SLC27A1: variants seen among roughly 807,000 people sequenced by gnomAD.
SLC27A1 encodes the protein long-chain fatty acid transport protein 1.
In SLC27A1, 61 loss-of-function variants were observed where a neutral mutation model predicts 62.2. The observed-to-expected ratio is 0.98, with a 90% CI of 0.80 to 1.21. The LOEUF (loss-of-function observed/expected upper bound fraction) is 1.21. Ranked by LOEUF, SLC27A1 falls within the 50% of genes most tolerant of loss-of-function variation. The pLI, the probability that SLC27A1 is intolerant of heterozygous loss-of-function variation, is 0.00. For missense variants in SLC27A1, 903 were observed against 932.1 expected, an observed-to-expected ratio of 0.97 and a Z score of 0.41; for synonymous variants, 435 against 408.6, an observed-to-expected ratio of 1.06 and a Z score of -0.78.
intron 6 of SLC27A1, among the ~76,000 whole-genome samples, chr19:17,493,228 G>A (rs2075313029): frequency 1.3e-5 from 2 of 151,760 alleles, no homozygotes; most frequent in African/African-American, 2.4e-5. Flanking sequence ...CAGGTCAGGA[G>A]TTCAAGACCA....
upstream of SLC27A1, chr19:17,470,422 C>CG (rs941374883): frequency 4.1e-6 from 5 of 1,210,784 alleles, no homozygotes; most frequent in African/African-American, 8.3e-5. Flanking sequence ...TCGCGGGGGG[C>CG]GCAGAGCCGA....
rs1484686570 is a variant in SLC27A1, at chr19:17,501,412, C to T, written c.1776C>T (p.Asp592=). 1 of 1,613,032 alleles carries T rather than the reference C, an allele frequency of 6.2e-7. No homozygotes were observed. The highest frequency in any genetic ancestry group is 1.1e-5 in the South Asian group (1 of 91,030). ...PIFLRLLPQV[D]TTGTFKIQKT... ...TCCTGCGCCTCCTGCCCCAGGTGGA[C>T]ACCACAGGTGCGAGTCTCCCCCACT... The change falls in exon 11 of 12, where the codon GAC becomes GAT. Residue 592 remains aspartate (D), a synonymous_variant. Transcript: ENST00000252595.
At chr19:17,478,409 G>C (rs538916251) in intron 1 of SLC27A1, among the ~76,000 whole-genome samples, 3 of 146,330 alleles carry the variant, frequency 2.1e-5, no homozygotes, top group African/African-American at 7.6e-5. Flanking sequence ...GGAGTCTGCA[G>C]TGAGCCAAGA....
chr19:17,470,888 T>C (rs2075069848), intron 1 of SLC27A1, among the ~76,000 whole-genome samples, 181 bp downstream of exon 1: 1 of 134,234 alleles, frequency 7.4e-6, no homozygotes. Flanking sequence ...GGTGACCAGT[T>C]GGGGGTCTCT....
At chr19:17,491,060 G>T (rs988027639) in intron 6 of SLC27A1, 1 of 149,880 alleles carries the variant, frequency 6.7e-6, no homozygotes, top group African/African-American at 2.5e-5. Flanking sequence ...ATTTGGCCGG[G>T]CATGATGATA....
chr19:17,498,544 G>A (rs1234460270), intron 7 of SLC27A1: 3 of 161,170 alleles, frequency 1.9e-5, no homozygotes, highest in Admixed American at 6.5e-5. Context: ...GGTGGCTCAC[G>A]CCTGTAGGGT....
At chr19:17,485,751 AC>A (rs889912002) in intron 1 of SLC27A1, among the ~76,000 whole-genome samples, 2 of 151,178 alleles carry the variant, frequency 1.3e-5, no homozygotes, top group African/African-American at 4.9e-5. Flanking sequence ...AATTGCTTAA[AC>A]CCAGGAGGCG....
rs574208302 is a variant in SLC27A1, at chr19:17,482,630, G to A, written c.168-3933G>A. On this transcript the variant is annotated intron_variant, in intron 1 of 11. Coordinates refer to ENST00000252595, the MANE Select transcript of SLC27A1 (RefSeq NM_198580.3). ...AGCACCACTGCACTCTGGCCTGGAC[G>A]ACAGAGCAAGACTCTGTCTCAAAAA... is the stretch of plus-strand genomic sequence containing the variant. 9.4e-5 allele frequency among the ~76,000 whole-genome samples: 12 copies of A among 127,050 alleles called. No individual in the cohort carries two copies. In the East Asian group the frequency reaches 2.6e-3, roughly 28 times the overall value. 83.3% of individuals were successfully genotyped at this position (127,050 alleles called of 152,430 possible).
intron 1 of SLC27A1, among the ~76,000 whole-genome samples, chr19:17,476,814 G>A (rs913401643): frequency 4.6e-5 from 7 of 151,826 alleles, no homozygotes; most frequent in Non-Finnish European, 1.0e-4. Context: ...TATTTTGGAG[G>A]GTGGATATAA....
Position 17,500,974 on chromosome 19 carries a change from C to T in SLC27A1, c.1636+98C>T, listed in dbSNP as rs2075406067. 7.5e-6 allele frequency: 10 copies of T among 1,330,370 alleles called. No homozygotes were observed. The South Asian group carries it at 1.4e-4, about 18-fold the overall frequency. 82.4% of individuals were successfully genotyped at this position (1,330,370 alleles called of 1,614,324 possible). ...ACACATGCCTTTGGGCAGTGCACAA[C>T]CTGGACAACTGCTCATGGCAGCCCA... On this transcript the variant is annotated intron_variant, in intron 10 of 11. Coordinates refer to ENST00000252595, the MANE Select transcript of SLC27A1 (RefSeq NM_198580.3).
At chr19:17,482,263 A>C (rs62126782) in intron 1 of SLC27A1, among the ~76,000 whole-genome samples, 22,141 of 152,230 alleles carry the variant, frequency 0.15, 1,845 homozygotes, top group Non-Finnish European at 0.19. Flanking sequence ...TAACGCCTGT[A>C]ATCCCAGCAC....
chr19:17,473,286 A>G (rs1278439544), intron 1 of SLC27A1, among the ~76,000 whole-genome samples: 1 of 152,190 alleles, frequency 6.6e-6, no homozygotes, highest in Non-Finnish European at 1.5e-5. Context: ...TGGAGTTGCA[A>G]ACTCATGTGA....
In SLC27A1 at chr19:17,504,878, T is replaced by C. The variant is rs1283792148; in HGVS notation, c.*266T>C. On this transcript the variant is annotated 3_prime_UTR_variant, in exon 12 of 12. Transcript: ENST00000252595. The stretch of plus-strand genomic sequence containing the variant: ...CCTGTCTGGCCTTAACTCTTCCCTC[T>C]TTTTCTTTTCTTTCTTTCTTTCTTT... 3.1e-6 allele frequency: 2 copies of C among 650,500 alleles called. No individual in the cohort carries two copies. Among genetic ancestry groups the C allele is most frequent in the East Asian group, 3.1e-5 (1 of 32,348 alleles). 40.3% of individuals were successfully genotyped at this position (650,500 alleles called of 1,614,324 possible). A position where few individuals can be genotyped will look rare whatever the true frequency, so the allele number is the denominator to read the frequency against.
At chr19:17,474,999 C>G (rs1456428270) in intron 1 of SLC27A1, among the ~76,000 whole-genome samples, 2 of 151,738 alleles carry the variant, frequency 1.3e-5, no homozygotes, top group Non-Finnish European at 2.9e-5. Flanking sequence ...ACTGCACCCT[C>G]CAGCTCCCAG....
In SLC27A1 at chr19:17,501,941, G is replaced by A. The variant is rs1682992005; in HGVS notation, c.1783+522G>A. 2.6e-5 allele frequency among the ~76,000 whole-genome samples: 4 copies of A among 151,674 alleles called. No individual in the cohort carries two copies. The South Asian group carries it at 8.3e-4, about 32-fold the overall frequency. The stretch of plus-strand genomic sequence containing the variant: ...AGCCTGGCCAACATGGTGAAACTGT[G>A]TCTCTACTAAAAATACAAAAAAAAA... On this transcript the variant is annotated intron_variant, in intron 11 of 11. Transcript: ENST00000252595.
intron 6 of SLC27A1, 90 bp downstream of exon 6, chr19:17,489,207 C>A: frequency 2.9e-6 from 3 of 1,048,854 alleles, no homozygotes; most frequent in Non-Finnish European, 4.3e-6. Flanking sequence ...CCCGGTGAGG[C>A]CCCGTACCTC....
chr19:17,473,627 C>T (rs753209412), intron 1 of SLC27A1, among the ~76,000 whole-genome samples: 11 of 152,252 alleles, frequency 7.2e-5, no homozygotes, highest in South Asian at 6.2e-4. Context: ...TTTGGGAGGC[C>T]GAAGCGGGTG....
Position 17,487,251 on chromosome 19 carries a change from T to A in SLC27A1, c.640T>A (p.Leu214Met). 6.2e-7 allele frequency: 1 copy of A among 1,614,018 alleles called. No homozygotes were observed. Among genetic ancestry groups the A allele is most frequent in the South Asian group, 1.1e-5 (1 of 91,078 alleles). Residue 214 changes from leucine to methionine, a missense_variant, in exon 3 of 12, where the codon TTG (leucine) becomes ATG (methionine). By Grantham distance (15) the Leu-to-Met change is conservative (BLOSUM62 2). Transcript: ENST00000252595. ...TGGAGACTTGGGGCCCGAGGGCATCTTGCCGGACACCCACCTCCTGGACCC... is the reference window on the plus strand; with the variant it reads ...TGGAGACTTGGGGCCCGAGGGCATCATGCCGGACACCCACCTCCTGGACCC... ...CSGDLGPEGI[L>M]PDTHLLDPLL...
rs1307373853 is a variant in SLC27A1, at chr19:17,482,984, ATGAATGAGGGAATGAG to A, written c.168-3574_168-3559del. Among the ~76,000 whole-genome samples, 4 of 151,458 alleles carry A rather than the reference ATGAATGAGGGAATGAG, an allele frequency of 2.6e-5. No individual in the cohort carries two copies. The East Asian group carries it at 7.7e-4, about 29-fold the overall frequency. ...TGCCAATGAATGATGGAGGGAATGA[ATGAATGAGGGAATGAG>A]TGAAGGAGGGAATGAATGAATGAGG... On this transcript the variant is annotated intron_variant, in intron 1 of 11. Coordinates refer to ENST00000252595, the MANE Select transcript of SLC27A1 (RefSeq NM_198580.3).
Sources: gnomAD v4.1 joint callset for allele counts (sites outside exome capture counted in the v4.1 genomes callset) on GRCh38, gnomAD v4.1.1 for gene constraint, MANE v1.5 for transcripts, NCBI Gene and HGNC (gene_info 2026-07-23, HGNC 2026-07-21) for gene names.